The following TIAM2 variants were observed in gnomAD, a reference collection of about 807,000 sequenced individuals.
TIAM2 encodes rho guanine nucleotide exchange factor TIAM2.
TIAM2 carries 80 observed loss-of-function variants against 152.9 expected under a neutral mutation model. The observed-to-expected ratio is 0.52, with a 90% CI of 0.44 to 0.63. TIAM2 has a LOEUF of 0.63. Ranked by LOEUF, TIAM2 falls within the 30% of genes least tolerant of loss-of-function variation. TIAM2 has a pLI of 0.00. For synonymous variants in TIAM2, 804 were observed against 838.0 expected, an observed-to-expected ratio of 0.96 and a Z score of 0.70; for missense variants, 1,965 against 2,120.1, an observed-to-expected ratio of 0.93 and a Z score of 1.44.
intron 9 of TIAM2, among the ~76,000 whole-genome samples, chr6:155,167,933 A>G (rs1265550512): frequency 3.9e-5 from 6 of 152,242 alleles, no homozygotes; most frequent in Admixed American, 3.3e-4. Context: ...ACATTCTGCT[A>G]ATTAGATATG....
chr6:155,088,939 A>G (rs17085953), intron 1 of TIAM2, among the ~76,000 whole-genome samples: 4,755 of 152,252 alleles, frequency 0.031, 283 homozygotes, highest in African/African-American at 0.11. Context: ...TGCATTCTTT[A>G]TCAAGGACTG....
At chr6:155,094,689 AT>A (rs1326054361) in intron 2 of TIAM2, among the ~76,000 whole-genome samples, 1 of 150,066 alleles carries the variant, frequency 6.7e-6, no homozygotes, top group African/African-American at 2.5e-5. Context: ...AGCTGGGATT[AT>A]AGGCATGTCC....
chr6:155,228,825 C>G (rs578186003), intron 15 of TIAM2, among the ~76,000 whole-genome samples: 12 of 152,192 alleles, frequency 7.9e-5, no homozygotes, highest in Non-Finnish European at 1.3e-4. Context: ...GCTCTGGCAC[C>G]AGCTGCTCAG....
chr6:155,185,191 A>G (rs1781011749), intron 14 of TIAM2, among the ~76,000 whole-genome samples: 2 of 143,146 alleles, frequency 1.4e-5, no homozygotes, highest in South Asian at 4.3e-4. Context: ...CAGTGGCGCA[A>G]TCTTGGCTTA....
At chr6:155,000,413 C>T (rs2475864) in intron 1 of TIAM2, among the ~76,000 whole-genome samples, 34,151 of 151,766 alleles carry the variant, frequency 0.23, 4,192 homozygotes, top group East Asian at 0.38. Context: ...TGCCTGTAAT[C>T]CCAGCTACTT....
chr6:155,087,076 C>T (rs751927739), intron 1 of TIAM2, among the ~76,000 whole-genome samples: 113 of 152,122 alleles, frequency 7.4e-4, no homozygotes, highest in Non-Finnish European at 1.3e-3. Context: ...CTGTGAGGTT[C>T]GGGGTATGAT....
chr6:155,175,890 A>G (rs1196233944), intron 9 of TIAM2, among the ~76,000 whole-genome samples: 1 of 152,200 alleles, frequency 6.6e-6, no homozygotes, highest in Non-Finnish European at 1.5e-5. Flanking sequence ...AACAGTGTCT[A>G]TGTGTGAGAT....
intron 1 of TIAM2, among the ~76,000 whole-genome samples, chr6:155,020,090 C>T (rs112682850): frequency 2.4e-4 from 37 of 152,132 alleles, no homozygotes; most frequent in African/African-American, 8.4e-4. Context: ...TAGACATGTC[C>T]CTGGGAGTCA....
intron 22 of TIAM2, among the ~76,000 whole-genome samples, chr6:155,251,534 G>A (rs138559145): frequency 6.6e-6 from 1 of 152,216 alleles, no homozygotes; most frequent in African/African-American, 2.4e-5. Flanking sequence ...TGATCCACCT[G>A]CCTCAGCCTC....
intron 26 of TIAM2, chr6:155,255,888 T>C (rs1388732451): frequency 6.4e-6 from 1 of 157,284 alleles, no homozygotes; most frequent in Non-Finnish European, 1.4e-5. Flanking sequence ...TGCGCACCTA[T>C]AGTCCCAACT....
chr6:155,112,986 G>A (rs1033921076), intron 2 of TIAM2, among the ~76,000 whole-genome samples: 6 of 151,432 alleles, frequency 4.0e-5, no homozygotes, highest in Non-Finnish European at 4.4e-5. Flanking sequence ...CCACTGTGTC[G>A]CTGACAATCC....
At chr6:155,016,552 G>T (rs1300612172) in intron 1 of TIAM2, among the ~76,000 whole-genome samples, 1 of 118,626 alleles carries the variant, frequency 8.4e-6, no homozygotes, top group Non-Finnish European at 2.0e-5. Context: ...AATTTAAATG[G>T]TATTTACATT....
chr6:155,004,165 C>G (rs769242290), intron 1 of TIAM2, among the ~76,000 whole-genome samples: 1 of 151,838 alleles, frequency 6.6e-6, no homozygotes, highest in Non-Finnish European at 1.5e-5. Flanking sequence ...CATGAGCCAC[C>G]GTGCCTAGCT....
In TIAM2 at chr6:155,243,783, G is replaced by C. The variant is rs377085545; in HGVS notation, c.3349-228G>C. On this transcript the variant is annotated intron_variant, in intron 16 of 26. Transcript: ENST00000682666. The stretch of plus-strand genomic sequence containing the variant: ...AATCTCTTGAACCCAGGAGGCAGAG[G>C]TTGCAGTGAGCTGAGATCATGCCAC... 2.3e-4 allele frequency among the ~76,000 whole-genome samples: 33 copies of C among 141,216 alleles called. No individual in the cohort carries two copies. The East Asian group carries it at 2.5e-3, about 11-fold the overall frequency. The allele number at this position is 141,216 out of a possible 152,430, so 92.6% of individuals were successfully genotyped here. A position where few individuals can be genotyped will look rare whatever the true frequency, so the allele number is the denominator to read the frequency against.
At chr6:155,093,357 G>A (rs1470195570) in intron 2 of TIAM2, among the ~76,000 whole-genome samples, 1 of 152,216 alleles carries the variant, frequency 6.6e-6, no homozygotes, top group African/African-American at 2.4e-5. Flanking sequence ...GATGCACGTT[G>A]ATAGCAAGAG....
In TIAM2 at chr6:155,148,206, C is replaced by T. The variant is rs764031545; in HGVS notation, c.1900C>T (p.Arg634Trp). 1.5e-5 allele frequency: 24 copies of T among 1,613,140 alleles called. No homozygotes were observed. Among genetic ancestry groups the T allele is most frequent in the African/African-American group, 9.3e-5 (7 of 74,878 alleles). Residue 634 changes from arginine to tryptophan, a missense_variant, in exon 7 of 27, where the codon CGG becomes TGG. Physicochemically the swap from Arg to Trp is moderately radical, Grantham distance 101. This residue lies in a region of TIAM2 where 1,025 missense variants were observed against 1,119.4 expected (regional missense o/e 0.92). Transcript: ENST00000682666. Reference protein sequence around the residue: ...AKKHGKEDTLRLLKNQTKNLL... With the variant: ...AKKHGKEDTLWLLKNQTKNLL... ...GAAGCATGGGAAAGAGGACACGCTG[C>T]GGCTGCTGAAGAACCAGACCAAAAA...
At chr6:155,151,959 G>A (rs2151956) in intron 7 of TIAM2, among the ~76,000 whole-genome samples, 5 of 150,804 alleles carry the variant, frequency 3.3e-5, no homozygotes, top group Non-Finnish European at 5.9e-5. Flanking sequence ...ATTCCCATGC[G>A]TCAGCCTCCT....
chr6:155,107,935 G>T (rs1258238486), intron 2 of TIAM2, among the ~76,000 whole-genome samples: 1 of 152,082 alleles, frequency 6.6e-6, no homozygotes, highest in African/African-American at 2.4e-5. Flanking sequence ...CATTAATTTG[G>T]CCAAGCATGT....
intron 19 of TIAM2, 68 bp downstream of exon 19, chr6:155,245,799 T>C (rs1783292823): frequency 9.2e-7 from 1 of 1,088,186 alleles, no homozygotes; most frequent in Non-Finnish European, 1.3e-6. Flanking sequence ...AAAGGGTAAA[T>C]CTGTATTTAA....
Sources: gnomAD v4.1 joint callset for allele counts (sites outside exome capture counted in the v4.1 genomes callset) on GRCh38, gnomAD v4.1.1 for gene constraint, gnomAD v4.1.1 regional missense constraint, MANE v1.5 for transcripts, NCBI Gene and HGNC (gene_info 2026-07-23, HGNC 2026-07-21) for gene names.